Variants in KRT8 observed in about 807,000 individuals in gnomAD.
The protein encoded by KRT8 is keratin 8.
In KRT8, 24 loss-of-function variants were observed where a neutral mutation model predicts 43.0. The observed-to-expected ratio is 0.56, with a 90% CI of 0.40 to 0.78. KRT8 has a LOEUF of 0.78. KRT8 is among the 30% of genes least tolerant of loss of function. The pLI, the probability that KRT8 is intolerant of heterozygous loss-of-function variation, is 0.00. For missense variants in KRT8, 492 were observed against 638.4 expected, an observed-to-expected ratio of 0.77 and a Z score of 2.47; for synonymous variants, 214 against 261.2, an observed-to-expected ratio of 0.82 and a Z score of 1.74.
exon 8 of KRT8, chr12:52,897,279 C>T: frequency 1.3e-6 from 1 of 777,768 alleles, no homozygotes; most frequent in Non-Finnish European, 2.2e-6. Context: ...AAGGGGGGTC[C>T]CCAGGTAGTA....
chr12:52,917,475 A>AG (rs1450254090), intron 2 of KRT8, among the ~76,000 whole-genome samples: 2 of 151,942 alleles, frequency 1.3e-5, no homozygotes, highest in Admixed American at 1.3e-4. Context: ...TGGGAGGCCG[A>AG]GGGGGGCGGA....
At chr12:52,902,366 G>T (rs1941393298) in intron 1 of KRT8, among the ~76,000 whole-genome samples, 1 of 152,166 alleles carries the variant, frequency 6.6e-6, no homozygotes, top group Non-Finnish European at 1.5e-5. Flanking sequence ...TACATAGGTT[G>T]TATATTACAC....
intron 2 of KRT8, chr12:52,926,312 TTCCCCACCTGGCAC>T: frequency 9.5e-7 from 1 of 1,047,736 alleles, no homozygotes; most frequent in Non-Finnish European, 1.4e-6. Flanking sequence ...AGGCTTAGCC[TTCCCCACCTGGCAC>T]TAGCTGCCCT....
chr12:52,935,394 A>AGAAAAG (rs1565731934), intron 2 of KRT8, among the ~76,000 whole-genome samples: 2 of 122,436 alleles, frequency 1.6e-5, no homozygotes, highest in East Asian at 3.5e-4. Context: ...AAAAAAAAAA[A>AGAAAAG]AAAAAAAAAA....
chr12:52,921,328 TG>T (rs1941882230), intron 2 of KRT8, among the ~76,000 whole-genome samples: 1 of 152,130 alleles, frequency 6.6e-6, no homozygotes, highest in African/African-American at 2.4e-5. Flanking sequence ...CTCCAGAACA[TG>T]GAAGGCAAAG....
chr12:52,938,175 TTTTTTTTTTTA>T lies in KRT8; in HGVS notation c.-47+11270_-47+11280del, dbSNP rs1565733051. Among the ~76,000 whole-genome samples, 4 of 75,042 alleles carry T rather than the reference TTTTTTTTTTTA, an allele frequency of 5.3e-5. 1 individual carries two copies. Among genetic ancestry groups the T allele is most frequent in the African/African-American group, 2.4e-4 (4 of 16,400 alleles). The allele number at this position is 75,042 out of a possible 152,430, so 49.2% of individuals were successfully genotyped here. A position where few individuals can be genotyped will look rare whatever the true frequency, so the allele number is the denominator to read the frequency against. ...ATATATATATATATATATATATTTT[TTTTTTTTTTTA>T]TATATAAGGTCTTGCTCTGTCGCCC... is the stretch of plus-strand genomic sequence containing the variant. On this transcript the variant is annotated intron_variant, in intron 2 of 6. Coordinates refer to the KRT8 transcript ENST00000546826.
Position 52,900,036 on chromosome 12 carries a change from C to T in KRT8, c.720G>A (p.Ser240=), listed in dbSNP as rs1039805279. The T allele has an allele frequency of 6.8e-6, 11 of 1,612,566 alleles. No individual in the cohort carries two copies. The East Asian group carries it at 8.9e-5, about 13-fold the overall frequency. The change falls in exon 5 of 8, where the codon TCG becomes TCA. Residue 240 remains serine (S), a synonymous_variant. Transcript: ENST00000692008. ...CCATGGACAGCACCACAGATGTGTC[C>T]GAGATCTGGGACTGCAGCTCCCGGA...
chr12:52,916,788 A>G (rs1005254240), intron 2 of KRT8, among the ~76,000 whole-genome samples: 24 of 152,206 alleles, frequency 1.6e-4, no homozygotes, highest in Non-Finnish European at 3.2e-4. Context: ...GCCTTCTCGC[A>G]TGCTGACCAT....
At chr12:52,914,050 C>T (rs1317695743) in intron 2 of KRT8, among the ~76,000 whole-genome samples, 1 of 149,358 alleles carries the variant, frequency 6.7e-6, no homozygotes, top group Non-Finnish European at 1.5e-5. Flanking sequence ...TGGTGAAATC[C>T]CGTCTCTACT....
chr12:52,922,119 G>C (rs539907192), intron 2 of KRT8, among the ~76,000 whole-genome samples: 1 of 135,646 alleles, frequency 7.4e-6, no homozygotes, highest in East Asian at 2.4e-4. Context: ...GTTTGAGGCT[G>C]TAGTGTACCA....
upstream of KRT8, among the ~76,000 whole-genome samples, chr12:52,908,738 G>A (rs1941573092): frequency 1.3e-5 from 2 of 152,172 alleles, no homozygotes; most frequent in African/African-American, 4.8e-5. Flanking sequence ...CAGGCACAAT[G>A]GCTCTACCTA....
intron 5 of KRT8, 42 bp downstream of exon 5, chr12:52,899,733 A>T (rs776297331): frequency 5.1e-6 from 8 of 1,556,824 alleles, no homozygotes; most frequent in Non-Finnish European, 6.2e-6. Context: ...TCTCACCAGG[A>T]TGTGTCCAAG....
intron 2 of KRT8, chr12:52,946,483 A>C (rs935628935): frequency 1.3e-5 from 2 of 152,188 alleles, no homozygotes; most frequent in Non-Finnish European, 2.9e-5. Context: ...GACAGGTCTT[A>C]CTGTTTTCCC....
intron 2 of KRT8, among the ~76,000 whole-genome samples, chr12:52,945,231 C>G (rs1377652400): frequency 2.0e-5 from 3 of 152,110 alleles, no homozygotes; most frequent in Non-Finnish European, 4.4e-5. Context: ...GGGAGGGCCC[C>G]CTGCATGGGT....
chr12:52,901,088 G>A (rs1941358123), intron 3 of KRT8, 71 bp downstream of exon 3: 3 of 1,122,592 alleles, frequency 2.7e-6, no homozygotes, highest in Non-Finnish European at 4.1e-6. Context: ...ACAAAACCCA[G>A]AAAGCTTCTT....
At chr12:52,900,089 T>C (rs1941329181) in intron 4 of KRT8, 24 bp from the exon 5 acceptor site, 5 of 1,610,988 alleles carry the variant, frequency 3.1e-6, no homozygotes, top group Non-Finnish European at 4.2e-6. Context: ...GGGCAAGTGG[T>C]GAGGCCCTGT....
At chr12:52,924,881 C>T (rs1226637465) in intron 2 of KRT8, among the ~76,000 whole-genome samples, 1 of 152,200 alleles carries the variant, frequency 6.6e-6, no homozygotes, top group Non-Finnish European at 1.5e-5. Context: ...CTCTCCTTAA[C>T]TAAGCACCGA....
intron 5 of KRT8, among the ~76,000 whole-genome samples, chr12:52,899,186 G>A (rs1435709582): frequency 1.3e-5 from 2 of 152,156 alleles, no homozygotes; most frequent in African/African-American, 2.4e-5. Flanking sequence ...CTGGTGGCGG[G>A]CGCCTGTAGT....
intron 2 of KRT8, among the ~76,000 whole-genome samples, chr12:52,929,113 CTT>C (rs1398469547): frequency 1.3e-5 from 2 of 151,980 alleles, no homozygotes; most frequent in Admixed American, 1.3e-4. Context: ...TTGATGGACT[CTT>C]TTCAAATCTT....
Sources: gnomAD v4.1 joint callset for allele counts (sites outside exome capture counted in the v4.1 genomes callset) on GRCh38, gnomAD v4.1.1 for gene constraint, MANE v1.5 for transcripts, NCBI Gene and HGNC (gene_info 2026-07-23, HGNC 2026-07-21) for gene names.